The following AP2B1 variants were observed in gnomAD, a reference collection of about 807,000 sequenced individuals.
AP2B1 encodes the protein adaptor related protein complex 2 subunit beta 1.
A neutral mutation model predicts 102.0 loss-of-function variants in AP2B1; 23 were observed. The observed-to-expected ratio is 0.23, with a 90% CI of 0.16 to 0.32. AP2B1 has a LOEUF of 0.32. Among genes scored for constraint, AP2B1 ranks in the 10% least tolerant of loss-of-function variants. AP2B1 has a pLI of 1.00. For synonymous variants in AP2B1, 381 were observed against 421.2 expected (o/e 0.90, Z 1.17); for missense variants, 541 against 1,157.4 (o/e 0.47, Z 7.73).
At position 35,723,717 on chromosome 17, in the gene AP2B1, C is replaced by A. The variant is rs2085468765; in HGVS notation, c.*18C>A. On this transcript the variant is annotated 3_prime_UTR_variant, in exon 22 of 22. Transcript: ENST00000610402. Reference sequence around the variant, plus strand: ...AAAACTAACAAGACTGGTCCAGTACCCTTCAACCATGCTGTGATCGGTGCA... The same window carrying A: ...AAAACTAACAAGACTGGTCCAGTACACTTCAACCATGCTGTGATCGGTGCA... 1.3e-6 allele frequency: 2 copies of A among 1,549,112 alleles called. No homozygotes were observed. Among genetic ancestry groups the A allele is most frequent in the Middle Eastern group, 3.4e-4 (2 of 5,942 alleles).
chr17:35,633,317 G>A (rs903630994), intron 9 of AP2B1, among the ~76,000 whole-genome samples: 2 of 148,162 alleles, frequency 1.3e-5, no homozygotes, highest in African/African-American at 2.5e-5. Context: ...CATAGATTGC[G>A]CCACTGCACT....
chr17:35,631,622 A>G (rs2074464459), intron 9 of AP2B1, among the ~76,000 whole-genome samples: 1 of 151,926 alleles, frequency 6.6e-6, no homozygotes, highest in African/African-American at 2.4e-5. Context: ...AGAAAAATTT[A>G]TGTCATCTTT....
At chr17:35,591,625 A>G (rs1381315798) in intron 1 of AP2B1, among the ~76,000 whole-genome samples, 2 of 152,248 alleles carry the variant, frequency 1.3e-5, no homozygotes, top group Admixed American at 6.5e-5. Context: ...GATTTGAGCT[A>G]TAGTCCTTCT....
chr17:35,693,457 A>G (rs1359086466), intron 18 of AP2B1, among the ~76,000 whole-genome samples: 1 of 152,208 alleles, frequency 6.6e-6, no homozygotes, highest in Non-Finnish European at 1.5e-5. Context: ...CTGTAATGAA[A>G]ACATACTCCG....
rs782330343 is a variant in AP2B1, at chr17:35,717,211, G to A, written c.2643G>A (p.Lys881=). ...TATTTCTAGACACTGTTTCCAGCAA[G>A]TTGCAAAACAACAATGTTTATACTA... The part of the protein sequence containing the change: ...CHLNADTVSS[K]LQNNNVYTIA... The change falls in exon 21 of 22, where the codon AAG becomes AAA. Residue 881 remains lysine (K), a synonymous_variant. Coordinates refer to ENST00000610402, the MANE Select transcript of AP2B1 (RefSeq NM_001030006.2). 2 of 1,613,892 alleles carry A rather than the reference G, an allele frequency of 1.2e-6. No individual in the cohort carries two copies. Among genetic ancestry groups the A allele is most frequent in the Non-Finnish European group, 8.5e-7 (1 of 1,179,846 alleles).
chr17:35,717,432 A>C, intron 21 of AP2B1, 83 bp downstream of exon 21: 1 of 1,484,886 alleles, frequency 6.7e-7, no homozygotes, highest in Admixed American at 2.0e-5. Flanking sequence ...CCCTAGAAAG[A>C]CCTGGAGGAG....
intron 3 of AP2B1, among the ~76,000 whole-genome samples, chr17:35,602,760 T>C (rs888049960): frequency 6.6e-6 from 1 of 152,222 alleles, no homozygotes; most frequent in African/African-American, 2.4e-5. Context: ...GTGGCCACCA[T>C]ATTGGAAAGT....
chr17:35,627,598 C>A, intron 8 of AP2B1, 33 bp from the exon 9 acceptor site: 1 of 1,612,844 alleles, frequency 6.2e-7, no homozygotes, highest in Non-Finnish European at 8.5e-7. Flanking sequence ...ATTTGAGAAT[C>A]CTTAATGATT....
At chr17:35,713,480 C>T (rs1244628096) in intron 20 of AP2B1, among the ~76,000 whole-genome samples, 1 of 152,208 alleles carries the variant, frequency 6.6e-6, no homozygotes, top group Non-Finnish European at 1.5e-5. Flanking sequence ...GTCTCGAGGG[C>T]TCTATTAACA....
chr17:35,717,313 C>G lies in AP2B1; in HGVS notation c.2745C>G (p.Ala915=), dbSNP rs782067464. ...TCACTAATGGCATTTGGATTTTGGC[C>G]GAACTACGTATCCAGCCAGGAAACC... ...LKLTNGIWIL[A]ELRIQPGNPN... is the part of the protein sequence containing the mutation. The change falls in exon 21 of 22, where the codon GCC becomes GCG. Residue 915 remains alanine, a synonymous_variant. Coordinates refer to ENST00000610402, the MANE Select transcript of AP2B1 (RefSeq NM_001030006.2). 6.2e-7 allele frequency: 1 copy of G among 1,614,102 alleles called. No individual in the cohort carries two copies.
chr17:35,677,804 A>G (rs1235984164), intron 17 of AP2B1, among the ~76,000 whole-genome samples: 3 of 151,930 alleles, frequency 2.0e-5, no homozygotes, highest in Non-Finnish European at 2.9e-5. Context: ...TTTTATGCAC[A>G]AATCTTACCT....
At chr17:35,698,544 G>A (rs1467577619) in intron 18 of AP2B1, among the ~76,000 whole-genome samples, 2 of 152,116 alleles carry the variant, frequency 1.3e-5, no homozygotes, top group Admixed American at 6.5e-5. Flanking sequence ...AAACTCCTGG[G>A]CTCAAGCAGT....
At chr17:35,621,224 C>A in intron 5 of AP2B1, 1 of 732,172 alleles carries the variant, frequency 1.4e-6, no homozygotes, top group Non-Finnish European at 1.7e-6. Flanking sequence ...CATGTACTCT[C>A]TAGCCACCCA....
intron 3 of AP2B1, among the ~76,000 whole-genome samples, chr17:35,599,962 A>G (rs2073422429): frequency 6.6e-6 from 1 of 152,206 alleles, no homozygotes; most frequent in African/African-American, 2.4e-5. Context: ...GGATTTTAAT[A>G]CAATCAAGTA....
At chr17:35,593,895 A>C (rs2073177149) in intron 1 of AP2B1, 113 bp from the exon 2 acceptor site, 3 of 542,814 alleles carry the variant, frequency 5.5e-6, no homozygotes, top group Non-Finnish European at 9.6e-6. Flanking sequence ...ACTCATTTTT[A>C]GAAATTCTTA....
chr17:35,667,904 C>A (rs1305641764), intron 14 of AP2B1, among the ~76,000 whole-genome samples: 1 of 150,834 alleles, frequency 6.6e-6, no homozygotes, highest in Non-Finnish European at 1.5e-5. Context: ...TTCGTAGGAT[C>A]CTTTCCATGG....
intron 18 of AP2B1, among the ~76,000 whole-genome samples, chr17:35,707,161 T>C (rs1269182279): frequency 1.4e-5 from 2 of 146,236 alleles, no homozygotes; most frequent in Non-Finnish European, 3.0e-5. Context: ...TGTTGTTTTG[T>C]TTTTTGTTGT....
intron 18 of AP2B1, among the ~76,000 whole-genome samples, chr17:35,683,353 CT>C (rs2075864002): frequency 6.6e-6 from 1 of 152,130 alleles, no homozygotes; most frequent in South Asian, 2.1e-4. Context: ...CACTTAGAAA[CT>C]TTTTTCTTAA....
chr17:35,657,164 G>A (rs2075250173), intron 13 of AP2B1, among the ~76,000 whole-genome samples: 1 of 152,074 alleles, frequency 6.6e-6, no homozygotes, highest in African/African-American at 2.4e-5. Flanking sequence ...TATCAATTAT[G>A]CAGACACACA....
Sources: gnomAD v4.1 joint callset for allele counts (sites outside exome capture counted in the v4.1 genomes callset) on GRCh38, gnomAD v4.1.1 for gene constraint, MANE v1.5 for transcripts, NCBI Gene and HGNC (gene_info 2026-07-23, HGNC 2026-07-21) for gene names.